Variants in LHX8 observed in about 807,000 individuals in gnomAD.
LHX8 encodes LIM/homeobox protein Lhx8.
In LHX8, 12 loss-of-function variants were observed where a neutral mutation model predicts 40.3. That is an observed-to-expected ratio of 0.30 (90% CI 0.19 to 0.48). The LOEUF is 0.48. LHX8 is among the 20% of genes least tolerant of loss of function. LHX8 has a pLI of 0.99. For missense variants in LHX8, 344 were observed against 433.7 expected, an observed-to-expected ratio of 0.79 and a Z score of 1.84; for synonymous variants, 179 against 162.0, an observed-to-expected ratio of 1.10 and a Z score of -0.80.
chr1:75,128,464 G>A (rs1647877330), exon 1 of LHX8: 1 of 152,242 alleles, frequency 6.6e-6, no homozygotes, highest in South Asian at 2.1e-4. Flanking sequence ...TGGACCACTT[G>A]TGCTGGAGTG....
the LHX8 span, among the ~76,000 whole-genome samples, chr1:75,190,347 A>C: frequency 1.1e-3 from 169 of 152,210 alleles, no homozygotes; most frequent in Middle Eastern, 3.4e-3. Context: ...AATAATCAAA[A>C]TTTTGCCCTA....
downstream of LHX8, chr1:75,161,568 G>C (rs538766244): frequency 7.9e-5 from 12 of 151,952 alleles, no homozygotes; most frequent in Admixed American, 2.0e-4. Context: ...TCAGCAGTAA[G>C]TTGACTTTAG....
intron 1 of LHX8, 111 bp from the exon 2 acceptor site, chr1:75,136,492 C>G (rs1435614129): frequency 1.2e-6 from 1 of 827,332 alleles, no homozygotes; most frequent in South Asian, 1.4e-5. Context: ...CGCGCTGCCC[C>G]GCACTCTGAG....
chr1:75,163,053 C>T (rs915190495), downstream of LHX8, among the ~76,000 whole-genome samples: 1 of 151,436 alleles, frequency 6.6e-6, no homozygotes, highest in African/African-American at 2.4e-5. Flanking sequence ...TCAAGAATCC[C>T]ATTCAAACAT....
At chr1:75,177,867 G>C in the LHX8 span, among the ~76,000 whole-genome samples, 2 of 152,188 alleles carry the variant, frequency 1.3e-5, no homozygotes, top group African/African-American at 4.8e-5. Flanking sequence ...CTAGTTTATT[G>C]AGAGTTTTTA....
At chr1:75,166,080 C>T (rs1649030399), downstream of LHX8, among the ~76,000 whole-genome samples, 1 of 152,176 alleles carries the variant, frequency 6.6e-6, no homozygotes, top group South Asian at 2.1e-4. Flanking sequence ...GGAAATCAGG[C>T]ACTCTGAGGC....
upstream of LHX8, chr1:75,131,254 G>C (rs889199845): frequency 5.5e-6 from 1 of 182,472 alleles, no homozygotes; most frequent in Non-Finnish European, 1.2e-5. Flanking sequence ...TCGGGAATCC[G>C]AGTTTCCGGA....
At chr1:75,131,952 A>G (rs928588266), upstream of LHX8, 1 of 152,196 alleles carries the variant, frequency 6.6e-6, no homozygotes, top group African/African-American at 2.4e-5. Context: ...TTGCTTTTCC[A>G]CCTGTGGACA....
At chr1:75,173,611 T>A in the LHX8 span, among the ~76,000 whole-genome samples, 41 of 152,034 alleles carry the variant, frequency 2.7e-4, no homozygotes, top group African/African-American at 8.0e-4. Context: ...CTCGATCTCG[T>A]GACCTCGTGA....
At chr1:75,179,682 C>T in the LHX8 span, among the ~76,000 whole-genome samples, 4 of 152,054 alleles carry the variant, frequency 2.6e-5, no homozygotes, top group African/African-American at 9.6e-5. Context: ...GTATTTAGCC[C>T]ATTTACATTT....
At chr1:75,171,618 T>C in the LHX8 span, among the ~76,000 whole-genome samples, 4 of 151,756 alleles carry the variant, frequency 2.6e-5, no homozygotes, top group Non-Finnish European at 4.4e-5. Context: ...ATGTTCTCTG[T>C]GCCTCGAGAG....
At chr1:75,137,811 A>C (rs552544083) in intron 3 of LHX8, among the ~76,000 whole-genome samples, 190 of 152,320 alleles carry the variant, frequency 1.2e-3, no homozygotes, top group African/African-American at 4.4e-3. Context: ...CAAATTTTAA[A>C]AATACAGTCC....
At chr1:75,190,678 G>T in the LHX8 span, among the ~76,000 whole-genome samples, 3 of 152,168 alleles carry the variant, frequency 2.0e-5, no homozygotes, top group Non-Finnish European at 4.4e-5. Flanking sequence ...GATACGTGTA[G>T]TGGAATTAAT....
upstream of LHX8, chr1:75,132,872 A>G (rs904934815): frequency 5.9e-5 from 9 of 152,124 alleles, no homozygotes; most frequent in African/African-American, 2.2e-4. Flanking sequence ...GATGGCGCCA[A>G]TGTTCTGCAC....
chr1:75,130,862 T>G, upstream of LHX8: 1 of 902,862 alleles, frequency 1.1e-6, no homozygotes, highest in Non-Finnish European at 1.9e-6. Flanking sequence ...AAGTGTGACA[T>G]CCACAGTTTC....
intron 8 of LHX8, 155 bp from the exon 9 acceptor site, chr1:75,160,664 T>G (rs1013530652): frequency 1.5e-6 from 1 of 681,722 alleles, no homozygotes; most frequent in Non-Finnish European, 2.7e-6. Context: ...GCTGAATAGG[T>G]TAATGCTTCT....
the LHX8 span, among the ~76,000 whole-genome samples, chr1:75,191,647 A>G: frequency 6.6e-6 from 1 of 152,218 alleles, no homozygotes; most frequent in South Asian, 2.1e-4. Context: ...TCAAAACAGC[A>G]GAAGCTGTGT....
intron 8 of LHX8, chr1:75,159,566 T>C (rs1648861530): frequency 6.6e-6 from 1 of 152,192 alleles, no homozygotes; most frequent in Non-Finnish European, 1.5e-5. Flanking sequence ...TCCATTTATA[T>C]GCTGAAATCA....
At chr1:75,162,650 A>T (rs960069673), downstream of LHX8, among the ~76,000 whole-genome samples, 1 of 152,194 alleles carries the variant, frequency 6.6e-6, no homozygotes. Flanking sequence ...ACTTCCTAAC[A>T]AAGAGGCTCA....
Sources: gnomAD v4.1 joint callset for allele counts (sites outside exome capture counted in the v4.1 genomes callset) on GRCh38, gnomAD v4.1.1 for gene constraint, MANE v1.5 for transcripts, NCBI Gene and HGNC (gene_info 2026-07-23, HGNC 2026-07-21) for gene names.